The following RANBP3 variants were observed in gnomAD, a reference collection of about 807,000 sequenced individuals.
RANBP3 encodes the protein RAN binding protein 3, also known as ran-binding protein 3.
Under a neutral mutation model 77.3 loss-of-function variants are expected in RANBP3, and 14 were observed. That is an observed-to-expected ratio of 0.18 (90% confidence interval 0.12 to 0.28). The LOEUF is 0.28. RANBP3 is among the 10% of genes least tolerant of loss of function. The probability of loss-of-function intolerance (pLI) is 1.00; values close to 1 mark genes in which losing one functional copy is unlikely to be tolerated. For missense variants in RANBP3, 586 were observed against 752.3 expected (o/e 0.78, Z 2.59); for synonymous variants, 315 against 312.4 (o/e 1.01, Z -0.09).
intron 5 of RANBP3, among the ~76,000 whole-genome samples, chr19:5,938,259 C>T (rs542617142): frequency 4.5e-4 from 68 of 152,240 alleles, no homozygotes; most frequent in African/African-American, 1.6e-3. Context: ...TTGTTAAACT[C>T]GCTTGTTAAA....
intron 6 of RANBP3, 107 bp downstream of exon 6, chr19:5,933,307 G>T: frequency 1.1e-6 from 1 of 885,584 alleles, no homozygotes; most frequent in Non-Finnish European, 1.7e-6. Flanking sequence ...AGTTACAAGT[G>T]ATCTTTCTAG....
intron 1 of RANBP3, among the ~76,000 whole-genome samples, chr19:5,968,991 G>A (rs1006923043): frequency 6.6e-6 from 1 of 152,200 alleles, no homozygotes; most frequent in African/African-American, 2.4e-5. Context: ...AGGCCTCGCT[G>A]AAGCTCACAC....
At chr19:5,972,308 C>G (rs1482425452) in intron 1 of RANBP3, among the ~76,000 whole-genome samples, 1 of 152,230 alleles carries the variant, frequency 6.6e-6, no homozygotes, top group Non-Finnish European at 1.5e-5. Flanking sequence ...AGATCCATAG[C>G]TAGTGCTGTG....
In RANBP3 at chr19:5,924,941, C is replaced by T. The variant is rs751798723; in HGVS notation, c.918-36G>A. ...GATGTGCAATGAGTGTGGGGCGTCACGTGGGAACGTGGCCAGGCAAATGTA... is the reference window on the plus strand; with the variant it reads ...GATGTGCAATGAGTGTGGGGCGTCATGTGGGAACGTGGCCAGGCAAATGTA... On this transcript the variant is annotated intron_variant, in intron 10 of 16. Coordinates refer to ENST00000340578, the MANE Select transcript of RANBP3 (RefSeq NM_007322.3). This position sits in a 1 kb window ranked among gnomAD's most constrained non-coding sequence, Gnocchi z 4.7. 1.5e-5 allele frequency: 24 copies of T among 1,578,260 alleles called. No individual in the cohort carries two copies. In the East Asian group the frequency reaches 2.0e-4, roughly 13 times the overall value.
intron 3 of RANBP3, among the ~76,000 whole-genome samples, chr19:5,945,636 C>T (rs147733288): frequency 2.0e-5 from 3 of 152,194 alleles, no homozygotes; most frequent in African/African-American, 7.2e-5. Context: ...AGTGTGGTAC[C>T]GAAGCCTCCA....
At position 5,933,100 on chromosome 19, in the gene RANBP3, G is replaced by A. The variant is rs146440612; in HGVS notation, c.472+314C>T. ...GGGGCGAACACTGTGGTATGTGGGG[G>A]CCAGAACATGAAGGACAGACAGGCT... On this transcript the variant is annotated intron_variant, in intron 6 of 16. Transcript: ENST00000340578. 3.5e-3 allele frequency: 1,290 copies of A among 366,764 alleles called. 53 individuals carry two copies. The Admixed American group carries it at 0.051, about 14-fold the overall frequency. The allele number at this position is 366,764 out of a possible 1,614,324, so 22.7% of individuals were successfully genotyped here.
chr19:5,932,421 G>C, intron 7 of RANBP3, 31 bp downstream of exon 7: 3 of 1,595,828 alleles, frequency 1.9e-6, no homozygotes, highest in Non-Finnish European at 2.6e-6. Context: ...CCTGCCGTCT[G>C]GGCCTGGGCG....
intron 1 of RANBP3, among the ~76,000 whole-genome samples, chr19:5,970,227 CA>C (rs1176789987): frequency 6.6e-6 from 1 of 151,896 alleles, no homozygotes; most frequent in East Asian, 1.9e-4. Context: ...TAATCTTGGG[CA>C]AAAAAATTGA....
chr19:5,933,590 G>GTTCTCC, intron 5 of RANBP3, 111 bp from the exon 6 acceptor site: 2 of 682,042 alleles, frequency 2.9e-6, no homozygotes, highest in Non-Finnish European at 4.9e-6. Context: ...TTCGGGCCTG[G>GTTCTCC]AGAACCAGGG....
At chr19:5,922,454 C>G (rs1465385514) in intron 13 of RANBP3, among the ~76,000 whole-genome samples, 3 of 152,176 alleles carry the variant, frequency 2.0e-5, no homozygotes, top group Non-Finnish European at 2.9e-5. Flanking sequence ...GCTGCCCAAG[C>G]CGGGTGGTGC....
rs544998393 is a variant in RANBP3, at chr19:5,933,402, T to C, written c.472+12A>G. 25 of 1,603,270 alleles carry C rather than the reference T, an allele frequency of 1.6e-5. No individual in the cohort carries two copies. In the East Asian group the frequency reaches 4.8e-4, roughly 31 times the overall value. On this transcript the variant is annotated intron_variant, in intron 6 of 16. Transcript: ENST00000340578. ...AGAGCCACCCCCCGCCCCAGGGAGG[T>C]AGACGACCTACCTGCGCTGGGGGCT... is the stretch of plus-strand genomic sequence containing the variant.
At chr19:5,919,401 T>C (rs1389705896) in intron 14 of RANBP3, among the ~76,000 whole-genome samples, 1 of 152,166 alleles carries the variant, frequency 6.6e-6, no homozygotes, top group Non-Finnish European at 1.5e-5. Flanking sequence ...CAGACCTCCC[T>C]GAGCCCAGGT....
intron 15 of RANBP3, 144 bp from the exon 16 acceptor site, chr19:5,918,124 G>A (rs1023813099): frequency 1.2e-5 from 11 of 951,218 alleles, no homozygotes; most frequent in South Asian, 7.3e-5. Context: ...TGGGCCTGCC[G>A]GCCTCTCCCC....
intron 1 of RANBP3, among the ~76,000 whole-genome samples, chr19:5,970,813 C>T (rs1344476121): frequency 2.6e-5 from 4 of 152,194 alleles, no homozygotes; most frequent in East Asian, 3.8e-4. Flanking sequence ...CTCAGACTTG[C>T]GTATCATCGT....
intron 5 of RANBP3, among the ~76,000 whole-genome samples, chr19:5,940,277 G>A (rs1305573137): frequency 6.6e-6 from 1 of 152,084 alleles, no homozygotes; most frequent in African/African-American, 2.4e-5. Context: ...GCTGGTTTTC[G>A]ATACAGCAAG....
chr19:5,966,553 T>C (rs2145255382), intron 1 of RANBP3, among the ~76,000 whole-genome samples: 2 of 152,344 alleles, frequency 1.3e-5, no homozygotes, highest in South Asian at 4.1e-4. Context: ...AAACTTTCTT[T>C]CCTCACTGCT....
At position 5,928,055 on chromosome 19, in the gene RANBP3, A is replaced by G; in HGVS notation, c.726T>C (p.Asn242=). The G allele has an allele frequency of 6.2e-7, 1 of 1,613,154 alleles. No individual in the cohort carries two copies. The highest frequency in any genetic ancestry group is 1.1e-5 in the South Asian group (1 of 90,916). The change falls in exon 9 of 17, where the codon AAT becomes AAC. Residue 242 remains asparagine (N), a synonymous_variant. Transcript: ENST00000340578. ...EKEPQKNESS[N]ASEEEACEKK... The stretch of plus-strand genomic sequence containing the variant: ...TCTCACAGGCTTCCTCTTCAGAGGC[A>G]TTGCTGGACTCATTTTTCTGGGGCT...
intron 14 of RANBP3, chr19:5,920,984 G>T: frequency 2.4e-6 from 1 of 415,138 alleles, no homozygotes; most frequent in East Asian, 4.0e-5. Flanking sequence ...AGAGGGTCAC[G>T]GACGAGCTGG....
intron 1 of RANBP3, among the ~76,000 whole-genome samples, chr19:5,971,146 C>A (rs2058525818): frequency 6.6e-6 from 1 of 152,014 alleles, no homozygotes; most frequent in African/African-American, 2.4e-5. Flanking sequence ...ACTACTGACA[C>A]CATATTAGAA....
Sources: gnomAD v4.1 joint callset for allele counts (sites outside exome capture counted in the v4.1 genomes callset) on GRCh38, gnomAD v4.1.1 for gene constraint, Gnocchi (gnomAD v3.1) non-coding constraint, MANE v1.5 for transcripts, NCBI Gene and HGNC (gene_info 2026-07-23, HGNC 2026-07-21) for gene names.